The following AK9 variants were observed in gnomAD, a reference collection of about 807,000 sequenced individuals.
The protein encoded by AK9 is adenylate kinase 9.
In AK9, 191 loss-of-function variants were observed where a neutral mutation model predicts 239.6. That is an observed-to-expected ratio of 0.80 (90% CI 0.71 to 0.90). The LOEUF (loss-of-function observed/expected upper bound fraction) is 0.90. Among genes scored for constraint, AK9 ranks in the 40% least tolerant of loss-of-function variants. The pLI is 0.00. For synonymous variants in AK9, 689 were observed against 721.0 expected (o/e 0.96, Z 0.71); for missense variants, 1,995 against 2,214.7 (o/e 0.90, Z 1.99).
chr6:109,657,844 G>T (rs916403181), intron 7 of AK9, among the ~76,000 whole-genome samples: 2 of 152,072 alleles, frequency 1.3e-5, no homozygotes, highest in Non-Finnish European at 2.9e-5. Flanking sequence ...AGGGAACAGC[G>T]TGTGTAAAAG....
chr6:109,671,832 G>A, intron 5 of AK9, 87 bp downstream of exon 5: 1 of 1,164,378 alleles, frequency 8.6e-7, no homozygotes, highest in Non-Finnish European at 1.2e-6. Flanking sequence ...CAAAAGAAAG[G>A]GCAACTCCAG....
chr6:109,610,628 C>G, intron 16 of AK9, 115 bp from the exon 17 acceptor site: 1 of 1,128,622 alleles, frequency 8.9e-7, no homozygotes, highest in Non-Finnish European at 1.2e-6. Context: ...TTTCATGTCA[C>G]CGCAGCACAT....
chr6:109,633,503 T>C (rs1021567478), intron 10 of AK9, among the ~76,000 whole-genome samples, 180 bp from the exon 11 acceptor site: 2 of 152,224 alleles, frequency 1.3e-5, no homozygotes, highest in African/African-American at 2.4e-5. Flanking sequence ...AATAAGACAG[T>C]GTAGAACTAG....
intron 33 of AK9, among the ~76,000 whole-genome samples, 189 bp downstream of exon 33, chr6:109,508,990 T>C (rs1010519947): frequency 6.6e-6 from 1 of 152,200 alleles, no homozygotes; most frequent in Non-Finnish European, 1.5e-5. Flanking sequence ...GGCATGTGAA[T>C]TTTCAAGCCA....
rs552413938 is a variant in AK9, at chr6:109,552,310, G to T, written c.2752-2008C>A. On this transcript the variant is annotated intron_variant, in intron 24 of 40. Transcript: ENST00000424296. The stretch of plus-strand genomic sequence containing the variant: ...GTGTTTCAAATAATTGAACTGATTT[G>T]CACTCCCACCAACACTGTAAAAGCA... Among the ~76,000 whole-genome samples the T allele has an allele frequency of 2.0e-5, 3 of 152,148 alleles. No homozygotes were observed. The East Asian group carries it at 5.8e-4, about 29-fold the overall frequency.
chr6:109,509,957 G>A (rs1435625359), intron 32 of AK9, among the ~76,000 whole-genome samples: 7 of 152,108 alleles, frequency 4.6e-5, no homozygotes, highest in Admixed American at 1.3e-4. Flanking sequence ...GTCTGCTCCC[G>A]CTGCCTGGCC....
intron 1 of AK9, among the ~76,000 whole-genome samples, chr6:109,687,565 A>C (rs555422166): frequency 6.6e-6 from 1 of 152,332 alleles, no homozygotes; most frequent in African/African-American, 2.4e-5. Flanking sequence ...ATGTGAGTGC[A>C]GCCCCTGCCA....
chr6:109,625,094 C>T (rs1480459657), intron 12 of AK9, among the ~76,000 whole-genome samples: 2 of 151,978 alleles, frequency 1.3e-5, no homozygotes, highest in Non-Finnish European at 2.9e-5. Flanking sequence ...AATAATTACT[C>T]TTATTTTCCA....
chr6:109,517,094 G>A (rs976135711), intron 29 of AK9, among the ~76,000 whole-genome samples: 35 of 152,178 alleles, frequency 2.3e-4, no homozygotes, highest in Non-Finnish European at 3.4e-4. Flanking sequence ...AATGTGGAGC[G>A]GGTTCACTGT....
At chr6:109,593,741 T>C (rs1289157965) in intron 17 of AK9, among the ~76,000 whole-genome samples, 1 of 152,120 alleles carries the variant, frequency 6.6e-6, no homozygotes, top group Non-Finnish European at 1.5e-5. Flanking sequence ...ATCCATCACA[T>C]AAACAGAACC....
Position 109,579,585 on chromosome 6 carries a change from C to T in AK9, c.2156G>A (p.Arg719Gln), listed in dbSNP as rs552477090. ...CACTTTCATAAGTTCCAGTAGCCTT[C>T]GATTTTCTTCTTCGAGTCTCAATTC... The part of the protein sequence containing the change: ...EEELRLEEEN[R>Q]RLLELMKVKA... The change falls in exon 20 of 41, where the codon CGA (arginine) becomes CAA (glutamine). Residue 719 changes from arginine (R) to glutamine (Q), a missense_variant. By Grantham distance (43) the Arg-to-Gln change is conservative. Coordinates refer to ENST00000424296, the MANE Select transcript of AK9 (RefSeq NM_001145128.3). The T allele has an allele frequency of 2.5e-4, 381 of 1,551,320 alleles. No homozygotes were observed. The highest frequency in any genetic ancestry group is 7.7e-4 in the South Asian group (65 of 84,014).
intron 7 of AK9, among the ~76,000 whole-genome samples, chr6:109,657,669 A>C (rs1056339966): frequency 6.6e-6 from 1 of 151,888 alleles, no homozygotes; most frequent in Non-Finnish European, 1.5e-5. Flanking sequence ...CATTTACATT[A>C]GGTATATCTC....
At chr6:109,497,773 C>T (rs775157277) in intron 37 of AK9, 23 bp downstream of exon 37, 10 of 1,604,638 alleles carry the variant, frequency 6.2e-6, no homozygotes, top group South Asian at 2.2e-5. Flanking sequence ...TCATTCTATA[C>T]TTCCATGAAG....
rs1310854351 is a variant in AK9, at chr6:109,619,160, T to C, written c.1331A>G (p.Glu444Gly). Reference sequence around the variant, plus strand: ...AACTTTAATTGCTGCTGCAGTGGCCTCAGCTATGGTATTTTCTACTAATGT... The same window carrying C: ...AACTTTAATTGCTGCTGCAGTGGCCCCAGCTATGGTATTTTCTACTAATGT... ...RETLVENTIA[E>G]ATAAAIKVVK... The change falls in exon 13 of 41, where the codon GAG becomes GGG. Residue 444 changes from glutamate to glycine, a missense_variant. Physicochemically the swap from Glu to Gly is moderately conservative, Grantham distance 98 (BLOSUM62 -2). Transcript: ENST00000424296. 6 of 1,549,832 alleles carry C rather than the reference T, an allele frequency of 3.9e-6. No individual in the cohort carries two copies. The highest frequency in any genetic ancestry group is 5.2e-6 in the Non-Finnish European group (6 of 1,146,104).
intron 8 of AK9, among the ~76,000 whole-genome samples, chr6:109,652,340 A>G (rs1033261918): frequency 7.0e-6 from 1 of 143,188 alleles, no homozygotes; most frequent in Non-Finnish European, 1.6e-5. Flanking sequence ...AAAGGCCTTC[A>G]AAAAAATTCA....
intron 33 of AK9, among the ~76,000 whole-genome samples, chr6:109,507,333 A>G (rs1486562334): frequency 7.7e-6 from 1 of 129,362 alleles, no homozygotes; most frequent in Non-Finnish European, 1.7e-5. Flanking sequence ...GTAAGAGACT[A>G]AGCCAATATG....
At chr6:109,540,702 GGAGCTGTAGACTT>G (rs1782766305) in intron 27 of AK9, among the ~76,000 whole-genome samples, 1 of 152,140 alleles carries the variant, frequency 6.6e-6, no homozygotes, top group Non-Finnish European at 1.5e-5. Context: ...GCTCACACTG[GGAGCTGTAGACTT>G]GAGCTATTTC....
chr6:109,681,473 T>G (rs1474446908), intron 1 of AK9, among the ~76,000 whole-genome samples: 1 of 152,120 alleles, frequency 6.6e-6, no homozygotes, highest in Non-Finnish European at 1.5e-5. Flanking sequence ...ACAGAGAGAC[T>G]TAGACTCCCA....
Position 109,662,679 on chromosome 6 carries a change from TA to T in AK9, c.332-17del. On this transcript the variant is annotated splice_polypyrimidine_tract_variant and intron_variant, in intron 5 of 40. Coordinates refer to ENST00000424296, the MANE Select transcript of AK9 (RefSeq NM_001145128.3). ...ATAATATAACCTGTAAAGTAAAATA[TA>T]ATTTTAAAACTTTTATAAAATTATC... 7.1e-7 allele frequency: 1 copy of T among 1,400,728 alleles called. No individual in the cohort carries two copies. Among genetic ancestry groups the T allele is most frequent in the Non-Finnish European group, 9.4e-7 (1 of 1,058,678 alleles). 86.8% of individuals were successfully genotyped at this position (1,400,728 alleles called of 1,614,324 possible). A position where few individuals can be genotyped will look rare whatever the true frequency, so the allele number is the denominator to read the frequency against.
Sources: gnomAD v4.1 joint callset for allele counts (sites outside exome capture counted in the v4.1 genomes callset) on GRCh38, gnomAD v4.1.1 for gene constraint, MANE v1.5 for transcripts, NCBI Gene and HGNC (gene_info 2026-07-23, HGNC 2026-07-21) for gene names.